HDAC9: variants seen among roughly 807,000 people sequenced by gnomAD.
HDAC9 encodes the protein histone deacetylase 9.
A neutral mutation model predicts 139.4 loss-of-function variants in HDAC9; 41 were observed. The ratio of observed to expected loss-of-function variants is 0.29; its 90% confidence interval spans 0.23 to 0.38. The LOEUF (loss-of-function observed/expected upper bound fraction) is 0.38. Ranked by LOEUF, HDAC9 falls within the 10% of genes least tolerant of loss-of-function variation. HDAC9 has a pLI of 1.00. For missense variants in HDAC9, 1,147 were observed against 1,297.0 expected (o/e 0.88, Z 1.78); for synonymous variants, 517 against 476.2 (o/e 1.09, Z -1.12).
intron 1 of HDAC9, among the ~76,000 whole-genome samples, chr7:18,342,851 A>T (rs1782118694): frequency 6.6e-6 from 1 of 151,902 alleles, no homozygotes; most frequent in Non-Finnish European, 1.5e-5. Context: ...TATTTGCGTT[A>T]TGTGCAAGCA....
intron 22 of HDAC9, among the ~76,000 whole-genome samples, chr7:18,908,353 A>C (rs1393438903): frequency 6.6e-6 from 1 of 152,132 alleles, no homozygotes. Context: ...TTAAATTAAC[A>C]TATCCATCAC....
At chr7:18,742,898 T>C (rs1253476570) in intron 13 of HDAC9, among the ~76,000 whole-genome samples, 1 of 152,232 alleles carries the variant, frequency 6.6e-6, no homozygotes, top group Non-Finnish European at 1.5e-5. Context: ...TTAATTTAGT[T>C]CTATCTCTGC....
chr7:18,979,321 T>C (rs1283894795), intron 25 of HDAC9, among the ~76,000 whole-genome samples: 2 of 151,836 alleles, frequency 1.3e-5, no homozygotes, highest in Non-Finnish European at 2.9e-5. Flanking sequence ...AAGATTTATA[T>C]AGAAATATAG....
intron 22 of HDAC9, among the ~76,000 whole-genome samples, chr7:18,923,280 G>A (rs1803921009): frequency 6.6e-6 from 1 of 152,026 alleles, no homozygotes; most frequent in African/African-American, 2.4e-5. Flanking sequence ...TAAGGTTAGA[G>A]CAATAGACTC....
intron 21 of HDAC9, among the ~76,000 whole-genome samples, chr7:18,839,581 A>G (rs1796455473): frequency 6.6e-6 from 1 of 152,112 alleles, no homozygotes. Flanking sequence ...TAATGTTGTC[A>G]ATGGGAGCAT....
At chr7:18,229,758 A>G (rs915643007) in intron 2 of HDAC9, among the ~76,000 whole-genome samples, 2 of 152,126 alleles carry the variant, frequency 1.3e-5, no homozygotes, top group African/African-American at 4.8e-5. Context: ...ACACCTTTGA[A>G]CATTTACTTT....
chr7:18,620,513 CT>C (rs199696034), intron 6 of HDAC9, among the ~76,000 whole-genome samples: 4,150 of 135,488 alleles, frequency 0.031, 137 homozygotes, highest in African/African-American at 0.087. Flanking sequence ...CTGAGTGGTA[CT>C]TTTTTTTTTT....
At chr7:18,131,882 T>C (rs1250738379) in intron 1 of HDAC9, among the ~76,000 whole-genome samples, 1 of 152,120 alleles carries the variant, frequency 6.6e-6, no homozygotes, top group African/African-American at 2.4e-5. Context: ...TTATAGATAA[T>C]TGGGAGTCAA....
intron 2 of HDAC9, among the ~76,000 whole-genome samples, chr7:18,552,482 A>G (rs570404648): frequency 6.6e-6 from 1 of 152,298 alleles, no homozygotes; most frequent in South Asian, 2.1e-4. Context: ...GACTGCTGAG[A>G]ACAGAGCTGA....
chr7:18,671,109 G>T (rs1220828343), intron 12 of HDAC9, among the ~76,000 whole-genome samples: 1 of 151,922 alleles, frequency 6.6e-6, no homozygotes, highest in Non-Finnish European at 1.5e-5. Context: ...CTAACGCAAA[G>T]AAAGTCCAGT....
intron 22 of HDAC9, among the ~76,000 whole-genome samples, chr7:18,904,096 A>G (rs1284534043): frequency 6.6e-6 from 1 of 152,232 alleles, no homozygotes; most frequent in Admixed American, 6.5e-5. Flanking sequence ...AACAAGTACG[A>G]GCTTTAGCAT....
At chr7:18,323,476 A>C (rs1800185458) in intron 1 of HDAC9, among the ~76,000 whole-genome samples, 1 of 152,140 alleles carries the variant, frequency 6.6e-6, no homozygotes, top group African/African-American at 2.4e-5. Flanking sequence ...ACTATCTCTC[A>C]TGAAGCCCAA....
chr7:18,157,804 T>TGAGAGAGA (rs67690215), intron 1 of HDAC9, among the ~76,000 whole-genome samples: 2,047 of 109,444 alleles, frequency 0.019, 135 homozygotes, highest in African/African-American at 0.025. Flanking sequence ...TTCTAAGGCA[T>TGAGAGAGA]GAGAGAGAGA....
chr7:18,972,639 C>T (rs1485527262), intron 24 of HDAC9, among the ~76,000 whole-genome samples: 1 of 152,072 alleles, frequency 6.6e-6, no homozygotes, highest in Admixed American at 6.6e-5. Context: ...CTTCAGCCTC[C>T]CAAAGTGCTG....
chr7:18,631,349 T>A (rs899521179), intron 7 of HDAC9, among the ~76,000 whole-genome samples: 2 of 152,104 alleles, frequency 1.3e-5, no homozygotes, highest in African/African-American at 4.8e-5. Context: ...TTGGTAGATA[T>A]TTTTAACTGG....
At chr7:18,937,373 G>C (rs534375435) in intron 23 of HDAC9, among the ~76,000 whole-genome samples, 5 of 151,988 alleles carry the variant, frequency 3.3e-5, no homozygotes, top group Non-Finnish European at 5.9e-5. Context: ...TAACTCAAAG[G>C]ATGTAATTAT....
At chr7:18,515,833 T>C (rs1803011272) in intron 2 of HDAC9, among the ~76,000 whole-genome samples, 1 of 152,226 alleles carries the variant, frequency 6.6e-6, no homozygotes, top group Non-Finnish European at 1.5e-5. Flanking sequence ...ATCATCCATT[T>C]ACAGCAGCTG....
chr7:18,674,415 C>T (rs75486416), intron 12 of HDAC9, among the ~76,000 whole-genome samples: 2,220 of 152,130 alleles, frequency 0.015, 47 homozygotes, highest in African/African-American at 0.05. Flanking sequence ...ACCAGGCACT[C>T]ACTTCTGCCA....
intron 2 of HDAC9, among the ~76,000 whole-genome samples, chr7:18,207,539 CT>C (rs56690120): frequency 2.4e-4 from 13 of 53,740 alleles, no homozygotes; most frequent in East Asian, 1.3e-3. Flanking sequence ...CCCAAGGAGT[CT>C]TTTTTTTTTT....
Sources: gnomAD v4.1 joint callset for allele counts (sites outside exome capture counted in the v4.1 genomes callset) on GRCh38, gnomAD v4.1.1 for gene constraint, MANE v1.5 for transcripts, NCBI Gene and HGNC (gene_info 2026-07-23, HGNC 2026-07-21) for gene names.